The following PURG variants were observed in gnomAD, a reference collection of about 807,000 sequenced individuals.
The protein encoded by PURG is purine-rich element-binding protein gamma.
Under a neutral mutation model 24.3 loss-of-function variants are expected in PURG, and 3 were observed. The observed-to-expected ratio is 0.12, with a 90% confidence interval of 0.06 to 0.32. The LOEUF is 0.32. Among genes scored for constraint, PURG ranks in the 10% least tolerant of loss-of-function variants. The probability of loss-of-function intolerance (pLI) is 1.00; values close to 1 mark genes in which losing one functional copy is unlikely to be tolerated. For synonymous variants in PURG, 180 were observed against 173.1 expected, an observed-to-expected ratio of 1.04 and a Z score of -0.31; for missense variants, 371 against 439.1, an observed-to-expected ratio of 0.84 and a Z score of 1.39.
At chr8:31,025,295 T>C (rs1811069741) in intron 1 of PURG, among the ~76,000 whole-genome samples, 2 of 151,994 alleles carry the variant, frequency 1.3e-5, no homozygotes, top group African/African-American at 4.8e-5. Context: ...TAAAGATGAA[T>C]TTTTAATGAA....
At chr8:31,022,506 T>C (rs1056150888) in intron 1 of PURG, among the ~76,000 whole-genome samples, 1 of 152,158 alleles carries the variant, frequency 6.6e-6, no homozygotes, top group African/African-American at 2.4e-5. Flanking sequence ...ACAGGGCAAT[T>C]TCTAGATTTT....
In PURG at chr8:31,033,194, CG is replaced by C; in HGVS notation, c.-124del. 5.0e-6 allele frequency: 1 copy of C among 198,476 alleles called. No homozygotes were observed. 12.3% of individuals were successfully genotyped at this position (198,476 alleles called of 1,614,324 possible). On this transcript the variant is annotated 5_prime_UTR_variant, in exon 1 of 2. The change abolishes the stop of an existing upstream ORF in the 5' untranslated region. Transcript: ENST00000523392. ...AGCCGCCGCCCCCCGCCTCCTCCCC[CG>C]CCGCCGCCGCTCGCACTGCCCCCCG...
intron 1 of PURG, among the ~76,000 whole-genome samples, chr8:31,013,194 G>A (rs907874644): frequency 1.8e-4 from 27 of 152,264 alleles, no homozygotes; most frequent in African/African-American, 6.0e-4. Flanking sequence ...CTTTGAAAAA[G>A]TGAGTCAAAC....
Position 31,031,779 on chromosome 8 carries a change from C to T in PURG, c.1004G>A (p.Gly335Asp). ...CNSHKEKRMD[G>D]RKASGEEQEC... ...TTGTTCTTCACCACTGGCCTTTCTG[C>T]CATCCATTCTCTTTTCTTTATGGCT... Residue 335 changes from glycine to aspartate, a missense_variant, in exon 2 of 2, where the codon GGC (glycine) becomes GAC (aspartate). By Grantham distance (94) the Gly-to-Asp change is moderately conservative. Around this residue, in one of 5 missense-constraint regions of PURG, gnomAD observed 103 missense variants for 127.7 expected, o/e 0.81. Coordinates refer to ENST00000523392, the MANE Select transcript of PURG (RefSeq NM_001323311.2). 11 of 1,552,290 alleles carry T rather than the reference C, an allele frequency of 7.1e-6. No individual in the cohort carries two copies. Among genetic ancestry groups the T allele is most frequent in the Non-Finnish European group, 9.6e-6 (11 of 1,147,234 alleles).
intron 1 of PURG, among the ~76,000 whole-genome samples, chr8:30,998,494 C>T (rs1810472981): frequency 6.6e-6 from 1 of 151,642 alleles, no homozygotes. Context: ...AAACTCAGTG[C>T]TATCAGAAGT....
intron 1 of PURG, among the ~76,000 whole-genome samples, chr8:31,022,906 C>T (rs1811024363): frequency 1.3e-5 from 2 of 152,176 alleles, no homozygotes; most frequent in Non-Finnish European, 2.9e-5. Flanking sequence ...TATCTTTATC[C>T]TTACTCCTAC....
In PURG at chr8:31,031,632, A is replaced by G. The variant is rs1585371201; in HGVS notation, c.*107T>C. The stretch of plus-strand genomic sequence containing the variant: ...AGTATCAACTACTAGAGGTATTACT[A>G]ATAACAACGGGCCAAAAAAGAGGAA... On this transcript the variant is annotated 3_prime_UTR_variant, in exon 2 of 2. Transcript: ENST00000523392. 4.0e-6 allele frequency: 4 copies of G among 998,354 alleles called. No individual in the cohort carries two copies. The East Asian group carries it at 1.0e-4, about 26-fold the overall frequency. The allele number at this position is 998,354 out of a possible 1,614,324, so 61.8% of individuals were successfully genotyped here. A position where few individuals can be genotyped will look rare whatever the true frequency, so the allele number is the denominator to read the frequency against.
Position 31,032,036 on chromosome 8 carries a change from T to C in PURG, c.747A>G (p.Glu249=), listed in dbSNP as rs937597846. 5.6e-6 allele frequency: 9 copies of C among 1,614,086 alleles called. No homozygotes were observed. The African/African-American group carries it at 1.2e-4, about 22-fold the overall frequency. Residue 249 remains glutamate (E), a synonymous_variant, in exon 2 of 2, where the codon GAA becomes GAG. Coordinates refer to ENST00000523392, the MANE Select transcript of PURG (RefSeq NM_001323311.2). This position sits in a 1 kb window ranked among gnomAD's most constrained non-coding sequence, Gnocchi z 5.9. ...GGTCATCGTCTCCACCTCTTCGTTC[T>C]TCTATGTCTCCTTCGCCATAGTCTT... The part of the protein sequence containing the change: ...LIEDYGEGDI[E]ERRGGDDDPL...
rs1563313313 is a variant in PURG, at chr8:31,033,169, A to AGCCGCCGCCCCCCGCCTCCTCCCCCGCC, written c.-126_-99dup. The AGCCGCCGCCCCCCGCCTCCTCCCCCGCC allele has an allele frequency of 6.5e-5, 13 of 198,954 alleles. No homozygotes were observed. Among genetic ancestry groups the AGCCGCCGCCCCCCGCCTCCTCCCCCGCC allele is most frequent in the Non-Finnish European group, 1.2e-4 (12 of 102,034 alleles). The allele number at this position is 198,954 out of a possible 1,614,324, so 12.3% of individuals were successfully genotyped here. On this transcript the variant is annotated 5_prime_UTR_variant, in exon 1 of 2. It removes the in-frame stop codon of an upstream open reading frame in the 5' UTR. Coordinates refer to ENST00000523392, the MANE Select transcript of PURG (RefSeq NM_001323311.2). ...TCGGCCCCTCTGCTGCAGCCGCCGC[A>AGCCGCCGCCCCCCGCCTCCTCCCCCGCC]GCCGCCGCCCCCCGCCTCCTCCCCC...
At chr8:30,996,415 A>G (rs1810428650) in exon 2 of PURG, 3 of 477,244 alleles carry the variant, frequency 6.3e-6, no homozygotes, top group African/African-American at 4.0e-5. Flanking sequence ...AGGTACTTCA[A>G]TGTGGTGGAA....
chr8:31,021,284 T>C (rs1448313642), intron 1 of PURG, among the ~76,000 whole-genome samples: 4 of 152,194 alleles, frequency 2.6e-5, no homozygotes. Flanking sequence ...GAAAATGAAA[T>C]TGTAGACCCA....
intron 1 of PURG, among the ~76,000 whole-genome samples, chr8:31,015,565 T>A (rs1810846605): frequency 1.3e-5 from 2 of 152,168 alleles, no homozygotes; most frequent in African/African-American, 4.8e-5. Context: ...AGACTCTGAA[T>A]GTTTGGTTGT....
At chr8:30,996,745 G>C (rs777553542) in intron 1 of PURG, 44 of 1,391,286 alleles carry the variant, frequency 3.2e-5, no homozygotes, top group Non-Finnish European at 4.4e-5. Context: ...AAGTTTTCAA[G>C]GGAGTTCCAC....
chr8:31,015,387 T>G (rs1810842634), intron 1 of PURG, among the ~76,000 whole-genome samples: 1 of 152,108 alleles, frequency 6.6e-6, no homozygotes, highest in Non-Finnish European at 1.5e-5. Context: ...CCACCAGAAG[T>G]GAGGCATTCA....
At position 31,006,212 on chromosome 8, in the gene PURG, G is replaced by A. The variant is rs549461191; in HGVS notation, c.865-9515C>T. Among the ~76,000 whole-genome samples the A allele has an allele frequency of 3.9e-5, 6 of 152,284 alleles. No individual in the cohort carries two copies. The South Asian group carries it at 1.2e-3, about 32-fold the overall frequency. On this transcript the variant is annotated intron_variant, in intron 1 of 1. Coordinates refer to the PURG transcript ENST00000339382. Reference sequence around the variant, plus strand: ...CTGACAATTCTAAAAATAAGTAAGTGAGAAAATTCTATTGGTTTTGAGAAG... The same window carrying A: ...CTGACAATTCTAAAAATAAGTAAGTAAGAAAATTCTATTGGTTTTGAGAAG...
In PURG at chr8:31,031,107, G is replaced by C. The variant is rs1811190871; in HGVS notation, c.*632C>G. The C allele has an allele frequency of 6.6e-6, 1 of 152,556 alleles. No homozygotes were observed. The highest frequency in any genetic ancestry group is 2.4e-5 in the African/African-American group (1 of 41,440). The allele number at this position is 152,556 out of a possible 1,614,324, so 9.5% of individuals were successfully genotyped here. A position where few individuals can be genotyped will look rare whatever the true frequency, so the allele number is the denominator to read the frequency against. The stretch of plus-strand genomic sequence containing the variant: ...GGCTTTGATATGGCAACTATAAAAT[G>C]TAGGGTTACCACAAAGTTTGAAATT... On this transcript the variant is annotated 3_prime_UTR_variant, in exon 2 of 2. Transcript: ENST00000523392.
intron 1 of PURG, among the ~76,000 whole-genome samples, chr8:31,008,734 A>G (rs1810705184): frequency 6.6e-6 from 1 of 152,250 alleles, no homozygotes; most frequent in African/African-American, 2.4e-5. Context: ...TGATGAATAT[A>G]CAATAAATGA....
At chr8:31,021,449 A>C (rs748118093) in intron 1 of PURG, among the ~76,000 whole-genome samples, 3 of 152,208 alleles carry the variant, frequency 2.0e-5, no homozygotes, top group Non-Finnish European at 2.9e-5. Flanking sequence ...CTGTAAACTA[A>C]AGATCAAATA....
intron 1 of PURG, among the ~76,000 whole-genome samples, chr8:31,003,220 A>G (rs974163580): frequency 2.0e-5 from 3 of 152,246 alleles, no homozygotes; most frequent in Non-Finnish European, 4.4e-5. Flanking sequence ...AGGAACCTGA[A>G]CAAAAAAGTA....
Sources: allele counts gnomAD v4.1 joint callset (sites outside exome capture counted in the v4.1 genomes callset), GRCh38; gene constraint gnomAD v4.1.1; regional missense constraint gnomAD v4.1.1; non-coding constraint Gnocchi (gnomAD v3.1); transcripts MANE v1.5; gene names NCBI Gene and HGNC (gene_info 2026-07-23, HGNC 2026-07-21).